The following AK5 variants were observed in gnomAD, a reference collection of about 807,000 sequenced individuals.
The protein encoded by AK5 is adenylate kinase 5.
In AK5, 27 loss-of-function variants were observed where a neutral mutation model predicts 69.5. The ratio of observed to expected loss-of-function variants is 0.39; its 90% CI spans 0.29 to 0.54. The LOEUF (loss-of-function observed/expected upper bound fraction) is 0.54. Ranked by LOEUF, AK5 falls within the 20% of genes least tolerant of loss-of-function variation. The probability of loss-of-function intolerance (pLI) is 0.71; values close to 1 mark genes in which losing one functional copy is unlikely to be tolerated. For missense variants in AK5, 531 were observed against 700.4 expected (o/e 0.76, Z 2.73); for synonymous variants, 260 against 244.4 (o/e 1.06, Z -0.60).
chr1:77,518,503 T>C, intron 10 of AK5, 61 bp from the exon 11 acceptor site: 1 of 1,561,128 alleles, frequency 6.4e-7, no homozygotes, highest in Non-Finnish European at 8.8e-7. Context: ...CCATGGTGAC[T>C]ACCATTAAAA....
At chr1:77,486,253 C>A in intron 9 of AK5, 55 bp from the exon 10 acceptor site, 1 of 1,216,136 alleles carries the variant, frequency 8.2e-7, no homozygotes. Flanking sequence ...TGAGTAAAAC[C>A]AGGGCTTCAG....
At chr1:77,339,589 T>C (rs1661540471) in intron 5 of AK5, among the ~76,000 whole-genome samples, 1 of 152,014 alleles carries the variant, frequency 6.6e-6, no homozygotes. Flanking sequence ...CCTCAGCTCA[T>C]CTATGAAATG....
intron 6 of AK5, among the ~76,000 whole-genome samples, chr1:77,363,699 T>TGCTGTTTCCC (rs1220800666): frequency 6.6e-6 from 1 of 152,160 alleles, no homozygotes; most frequent in Non-Finnish European, 1.5e-5. Context: ...CAGGGCCTTT[T>TGCTGTTTCCC]GCTGTTTCCC....
intron 10 of AK5, among the ~76,000 whole-genome samples, chr1:77,494,225 G>A (rs187834553): frequency 6.6e-6 from 1 of 152,342 alleles, no homozygotes; most frequent in Admixed American, 6.5e-5. Flanking sequence ...GTCACCTGAT[G>A]AAGTTTTAGG....
intron 10 of AK5, among the ~76,000 whole-genome samples, chr1:77,498,088 C>A (rs1022052883): frequency 1.3e-5 from 2 of 152,078 alleles, no homozygotes; most frequent in African/African-American, 4.8e-5. Flanking sequence ...TCCCAAGAGC[C>A]CTGCCAGAGC....
At chr1:77,352,007 G>A (rs770578214) in intron 6 of AK5, among the ~76,000 whole-genome samples, 2 of 144,654 alleles carry the variant, frequency 1.4e-5, no homozygotes, top group Non-Finnish European at 3.0e-5. Context: ...TCGGCTCACT[G>A]CAACCTCTGC....
chr1:77,497,152 A>G (rs551888762), intron 10 of AK5, among the ~76,000 whole-genome samples: 1 of 152,232 alleles, frequency 6.6e-6, no homozygotes, highest in Admixed American at 6.5e-5. Flanking sequence ...CAGCAAGACC[A>G]CGAACCCACT....
intron 10 of AK5, among the ~76,000 whole-genome samples, chr1:77,488,917 A>C (rs1488505769): frequency 6.6e-6 from 1 of 152,074 alleles, no homozygotes; most frequent in Admixed American, 6.5e-5. Flanking sequence ...CTCAGTATTA[A>C]CCATCACAGA....
intron 8 of AK5, among the ~76,000 whole-genome samples, chr1:77,439,162 AAAT>A (rs1467514326): frequency 1.3e-5 from 2 of 152,192 alleles, no homozygotes; most frequent in African/African-American, 4.8e-5. Context: ...CTCTGAAAGA[AAAT>A]AATATTTATT....
At chr1:77,406,798 A>G (rs1415866411) in intron 6 of AK5, among the ~76,000 whole-genome samples, 1 of 152,062 alleles carries the variant, frequency 6.6e-6, no homozygotes, top group Non-Finnish European at 1.5e-5. Flanking sequence ...GGCAGACTGG[A>G]AAACTTCATA....
chr1:77,440,486 T>A (rs533021144), intron 8 of AK5, among the ~76,000 whole-genome samples: 3 of 152,316 alleles, frequency 2.0e-5, no homozygotes, highest in East Asian at 3.9e-4. Flanking sequence ...TGGGGACTTT[T>A]GAGCTTCCTG....
At chr1:77,453,143 T>C (rs1244947932) in intron 8 of AK5, among the ~76,000 whole-genome samples, 1 of 152,224 alleles carries the variant, frequency 6.6e-6, no homozygotes, top group African/African-American at 2.4e-5. Context: ...GTCCCCGTTC[T>C]GAATTCAGTG....
At chr1:77,397,894 G>A (rs931436437) in intron 6 of AK5, among the ~76,000 whole-genome samples, 2 of 152,006 alleles carry the variant, frequency 1.3e-5, no homozygotes, top group African/African-American at 4.8e-5. Flanking sequence ...GGAACAAGAC[G>A]GTCTCTAAAT....
chr1:77,316,862 G>T (rs1379688843), intron 5 of AK5, among the ~76,000 whole-genome samples: 2 of 152,122 alleles, frequency 1.3e-5, no homozygotes, highest in African/African-American at 2.4e-5. Context: ...ATTTATAATT[G>T]CCTTATGCCA....
intron 10 of AK5, among the ~76,000 whole-genome samples, chr1:77,505,252 G>A (rs1210035853): frequency 6.6e-6 from 1 of 152,176 alleles, no homozygotes; most frequent in Admixed American, 6.5e-5. Flanking sequence ...GAAGTTCTCT[G>A]ACAAAGACAA....
At chr1:77,541,968 G>T (rs1659301308) in intron 13 of AK5, among the ~76,000 whole-genome samples, 1 of 152,080 alleles carries the variant, frequency 6.6e-6, no homozygotes, top group South Asian at 2.1e-4. Context: ...AGTGCATATG[G>T]TATGTGTGGG....
intron 13 of AK5, among the ~76,000 whole-genome samples, chr1:77,537,841 A>C (rs17381128): frequency 0.022 from 3,339 of 152,312 alleles, 90 homozygotes; most frequent in South Asian, 0.1. Flanking sequence ...TGAGAGACAT[A>C]ATCCCCTACT....
intron 6 of AK5, among the ~76,000 whole-genome samples, chr1:77,390,206 C>A (rs181016251): frequency 1.3e-5 from 2 of 152,240 alleles, no homozygotes; most frequent in East Asian, 3.9e-4. Context: ...CATTCCTACC[C>A]AGGTAAAATC....
chr1:77,450,610 A>G (rs1653084439), intron 8 of AK5, among the ~76,000 whole-genome samples: 1 of 152,212 alleles, frequency 6.6e-6, no homozygotes, highest in Non-Finnish European at 1.5e-5. Context: ...CTCTAAGTTC[A>G]TCACTTTCCA....
Sources: gnomAD v4.1 joint callset for allele counts (sites outside exome capture counted in the v4.1 genomes callset) on GRCh38, gnomAD v4.1.1 for gene constraint, MANE v1.5 for transcripts, NCBI Gene and HGNC (gene_info 2026-07-23, HGNC 2026-07-21) for gene names.